Variants in ARAP2 observed in about 807,000 individuals in gnomAD.
ARAP2 encodes the protein arf-GAP with Rho-GAP domain, ANK repeat and PH domain-containing protein 2.
In ARAP2, 148 loss-of-function variants were observed where a neutral mutation model predicts 194.5. That is an observed-to-expected ratio of 0.76 (90% CI 0.67 to 0.87). The LOEUF (loss-of-function observed/expected upper bound fraction) is 0.87, where lower values mean the gene tolerates loss of function less well. ARAP2 is among the 40% of genes least tolerant of loss of function. The probability of loss-of-function intolerance (pLI) is 0.00; values close to 1 mark genes in which losing one functional copy is unlikely to be tolerated. For missense variants in ARAP2, 2,128 were observed against 1,989.7 expected (o/e 1.07, Z -1.32); for synonymous variants, 695 against 683.5 (o/e 1.02, Z -0.26).
At chr4:36,113,592 GTGTAT>G (rs922266143) in intron 26 of ARAP2, among the ~76,000 whole-genome samples, 4 of 151,832 alleles carry the variant, frequency 2.6e-5, no homozygotes, top group African/African-American at 9.7e-5. Context: ...AAGACATTCT[GTGTAT>G]TATTTTTTTT....
chr4:36,016,357 A>C (rs1023492321), intron 6 of ARAP2, among the ~76,000 whole-genome samples: 1 of 152,192 alleles, frequency 6.6e-6, no homozygotes, highest in East Asian at 1.9e-4. Context: ...AAGAGTATGA[A>C]AGCAGTAGAG....
In ARAP2 at chr4:36,184,176, T is replaced by TACTTTATTAATAAC. The variant is rs575047826; in HGVS notation, c.1678+3261_1678+3274dup. The stretch of plus-strand genomic sequence containing the variant: ...AGTGTATTAAGTTTACACTTAATAA[T>TACTTTATTAATAAC]ACTTTATTAATAACACTTTATTAAG... On this transcript the variant is annotated intron_variant, in intron 8 of 32. Coordinates refer to ENST00000303965, the MANE Select transcript of ARAP2 (RefSeq NM_015230.4). 2.8e-3 allele frequency among the ~76,000 whole-genome samples: 429 copies of TACTTTATTAATAAC among 152,260 alleles called. 1 individual carries two copies. The highest frequency in any genetic ancestry group is 9.6e-3 in the African/African-American group (397 of 41,568).
intron 3 of ARAP2, chr4:36,047,194 A>C (rs1417037923): frequency 6.6e-6 from 1 of 152,220 alleles, no homozygotes; most frequent in Non-Finnish European, 1.5e-5. Flanking sequence ...CCAGGTTTTC[A>C]GCTGTCCTCC....
At chr4:36,054,438 A>C (rs1723167297) in intron 2 of ARAP2, among the ~76,000 whole-genome samples, 1 of 152,196 alleles carries the variant, frequency 6.6e-6, no homozygotes. Flanking sequence ...TGGGATACAT[A>C]CATTACTAGT....
chr4:36,060,160 C>T (rs1055521533), intron 1 of ARAP2, among the ~76,000 whole-genome samples: 5 of 152,094 alleles, frequency 3.3e-5, no homozygotes, highest in African/African-American at 1.2e-4. Context: ...GTTTGTGTGT[C>T]TCTGTAGTCT....
intron 11 of ARAP2, 112 bp from the exon 12 acceptor site, chr4:36,161,662 C>G (rs1245359129): frequency 1.3e-6 from 1 of 771,144 alleles, no homozygotes; most frequent in Non-Finnish European, 2.2e-6. Flanking sequence ...ATCTTCTCAA[C>G]TTAAAACACA....
chr4:36,172,146 A>G (rs1736801803), intron 9 of ARAP2, among the ~76,000 whole-genome samples: 1 of 152,212 alleles, frequency 6.6e-6, no homozygotes, highest in Non-Finnish European at 1.5e-5. Context: ...GTAGGTTGTC[A>G]AGAATCATGA....
chr4:36,225,347 G>A (rs1476610262), intron 2 of ARAP2, among the ~76,000 whole-genome samples: 1 of 152,158 alleles, frequency 6.6e-6, no homozygotes, highest in Non-Finnish European at 1.5e-5. Flanking sequence ...TTCAGTAGCT[G>A]TGAGATTCCT....
At chr4:36,169,532 CTTTT>C (rs200988075) in intron 9 of ARAP2, among the ~76,000 whole-genome samples, 1 of 136,330 alleles carries the variant, frequency 7.3e-6, no homozygotes. Flanking sequence ...GCAAAGATGA[CTTTT>C]TTTTTTTTTT....
intron 6 of ARAP2, among the ~76,000 whole-genome samples, chr4:36,195,388 G>T (rs931702951): frequency 3.8e-4 from 58 of 152,284 alleles, no homozygotes; most frequent in African/African-American, 1.3e-3. Flanking sequence ...GAAAGGTAAA[G>T]AAATATTAAG....
At chr4:36,243,875 A>C (rs776706016) in intron 1 of ARAP2, 1 of 152,272 alleles carries the variant, frequency 6.6e-6, no homozygotes, top group Non-Finnish European at 1.5e-5. Flanking sequence ...AACTCACTAC[A>C]GCTTCTTCTT....
At chr4:36,174,676 A>G (rs1737421340) in intron 9 of ARAP2, among the ~76,000 whole-genome samples, 1 of 152,198 alleles carries the variant, frequency 6.6e-6, no homozygotes, top group South Asian at 2.1e-4. Flanking sequence ...AAATGAGCTC[A>G]GAAATGTGGA....
chr4:36,011,520 C>T (rs532769182), intron 9 of ARAP2, among the ~76,000 whole-genome samples: 75 of 152,202 alleles, frequency 4.9e-4, no homozygotes, highest in African/African-American at 1.8e-3. Flanking sequence ...ATTTTATCAC[C>T]AAACTCTTTT....
intron 5 of ARAP2, among the ~76,000 whole-genome samples, chr4:36,031,022 C>T (rs113227569): frequency 0.023 from 3,523 of 152,068 alleles, 163 homozygotes; most frequent in African/African-American, 0.08. Flanking sequence ...CCCAGCTACT[C>T]GGGAGGCTGA....
chr4:36,156,543 G>A lies in ARAP2; in HGVS notation c.2752+2187C>T, dbSNP rs532643215. Among the ~76,000 whole-genome samples, 286 of 151,824 alleles carry A rather than the reference G, an allele frequency of 1.9e-3. 3 individuals are homozygous for A. The highest frequency in any genetic ancestry group is 3.3e-3 in the Non-Finnish European group (226 of 67,926). On this transcript the variant is annotated intron_variant, in intron 15 of 32. Transcript: ENST00000303965. Reference sequence around the variant, plus strand: ...AAGGAAGGAAGGAAAACAAAGATAAGCCTCTTTTTTGGAGACAGTTTTGAA... The same window carrying A: ...AAGGAAGGAAGGAAAACAAAGATAAACCTCTTTTTTGGAGACAGTTTTGAA...
Position 36,147,756 on chromosome 4 carries a change from C to T in ARAP2, c.3001-10G>A, listed in dbSNP as rs79342946. The T allele has an allele frequency of 0.016, 25,209 of 1,588,200 alleles. 240 individuals are homozygous for T. The highest frequency in any genetic ancestry group is 0.027 in the Middle Eastern group (157 of 5,902). The stretch of plus-strand genomic sequence containing the variant: ...ATAAGGGAACAAAATGCTGTTAAAA[C>T]AAATACAAAAAAGTAATAAAGACAG... On this transcript the variant is annotated splice_polypyrimidine_tract_variant and intron_variant, in intron 17 of 32. Coordinates refer to ENST00000303965, the MANE Select transcript of ARAP2 (RefSeq NM_015230.4).
At chr4:36,011,533 C>T (rs1176327924) in intron 9 of ARAP2, among the ~76,000 whole-genome samples, 1 of 152,012 alleles carries the variant, frequency 6.6e-6, no homozygotes, top group Non-Finnish European at 1.5e-5. Flanking sequence ...ACTCTTTTTC[C>T]AGAGAATCTT....
intron 9 of ARAP2, among the ~76,000 whole-genome samples, chr4:36,008,261 T>C (rs1713730235): frequency 6.6e-6 from 1 of 152,074 alleles, no homozygotes; most frequent in Non-Finnish European, 1.5e-5. Context: ...AAAATAAATC[T>C]GGAGGCATCA....
At chr4:36,210,845 G>T in intron 5 of ARAP2, 102 bp from the exon 6 acceptor site, 1 of 884,998 alleles carries the variant, frequency 1.1e-6, no homozygotes, top group Non-Finnish European at 1.7e-6. Context: ...GAAACATAAG[G>T]CCAGGAAAAT....
Sources: allele counts gnomAD v4.1 joint callset (sites outside exome capture counted in the v4.1 genomes callset), GRCh38; gene constraint gnomAD v4.1.1; transcripts MANE v1.5; gene names NCBI Gene and HGNC (gene_info 2026-07-23, HGNC 2026-07-21).